Variants in TMCO6 observed in about 807,000 individuals in gnomAD.
TMCO6 encodes transmembrane and coiled-coil domains 6.
TMCO6 carries 47 observed loss-of-function variants against 61.8 expected under a neutral mutation model. That is an observed-to-expected ratio of 0.76 (90% CI 0.60 to 0.97). TMCO6 has a LOEUF of 0.97. Ranked by LOEUF, TMCO6 falls within the 50% of genes least tolerant of loss-of-function variation. The pLI is 0.00. For missense variants in TMCO6, 557 were observed against 601.6 expected, an observed-to-expected ratio of 0.93 and a Z score of 0.78; for synonymous variants, 261 against 254.2, an observed-to-expected ratio of 1.03 and a Z score of -0.25.
the TMCO6 span, among the ~76,000 whole-genome samples, chr5:140,601,256 C>G: frequency 3.1e-4 from 47 of 152,258 alleles, no homozygotes; most frequent in Non-Finnish European, 5.7e-4. Context: ...GACAGTTTTT[C>G]TCACTGATGT....
chr5:140,629,966 T>A, the TMCO6 span, among the ~76,000 whole-genome samples: 24 of 149,896 alleles, frequency 1.6e-4, no homozygotes, highest in South Asian at 4.4e-3. Context: ...TCAACCTGTA[T>A]AACATATCAA....
chr5:140,647,642 C>T (rs781422758), downstream of TMCO6: 1 of 1,573,192 alleles, frequency 6.4e-7, no homozygotes, highest in Non-Finnish European at 8.6e-7. Flanking sequence ...CCGGTCTGAC[C>T]AACCGCGGAC....
the TMCO6 span, among the ~76,000 whole-genome samples, chr5:140,602,795 A>C: frequency 4.2e-3 from 637 of 150,530 alleles, 3 homozygotes; most frequent in Non-Finnish European, 5.3e-3. Flanking sequence ...CACACACACA[A>C]AAAAAAAGGA....
At chr5:140,645,754 C>T, downstream of TMCO6, 1 of 1,604,626 alleles carries the variant, frequency 6.2e-7, no homozygotes. Flanking sequence ...AGATCTTTGT[C>T]TTTATCTTAG....
the TMCO6 span, chr5:140,632,958 A>G: frequency 1.2e-6 from 2 of 1,614,162 alleles, no homozygotes; most frequent in East Asian, 4.5e-5. This position sits in a 1 kb window ranked among gnomAD's most constrained non-coding sequence, Gnocchi z 6.2. Context: ...CAGCAGCAGC[A>G]GCAACAAGCA....
chr5:140,623,205 CTTA>C, the TMCO6 span, among the ~76,000 whole-genome samples: 1 of 152,206 alleles, frequency 6.6e-6, no homozygotes, highest in Non-Finnish European at 1.5e-5. Context: ...GCTAGTGAGC[CTTA>C]TCTCTCCTCC....
At chr5:140,604,509 C>T in the TMCO6 span, among the ~76,000 whole-genome samples, 3 of 151,416 alleles carry the variant, frequency 2.0e-5, no homozygotes, top group African/African-American at 7.3e-5. Flanking sequence ...ATAATTTTCT[C>T]CTATTCAAAG....
chr5:140,646,396 G>T (rs1307662972), downstream of TMCO6, among the ~76,000 whole-genome samples: 1 of 152,112 alleles, frequency 6.6e-6, no homozygotes, highest in Non-Finnish European at 1.5e-5. Context: ...ATCTCCTCCT[G>T]TAGTCTACTG....
the TMCO6 span, among the ~76,000 whole-genome samples, chr5:140,617,864 A>G: frequency 3.3e-5 from 5 of 152,308 alleles, no homozygotes; most frequent in African/African-American, 1.2e-4. Context: ...TGTGTTCAAT[A>G]TTGGCGATAT....
At chr5:140,605,906 G>C in the TMCO6 span, among the ~76,000 whole-genome samples, 1 of 152,084 alleles carries the variant, frequency 6.6e-6, no homozygotes, top group Non-Finnish European at 1.5e-5. Flanking sequence ...TTATAAATAT[G>C]TTGTTGAGGC....
At chr5:140,612,532 G>T in the TMCO6 span, among the ~76,000 whole-genome samples, 4 of 151,968 alleles carry the variant, frequency 2.6e-5, no homozygotes, top group Middle Eastern at 3.2e-3. Flanking sequence ...GTAGAGACGG[G>T]GTTTCACCGT....
At chr5:140,606,263 C>G in the TMCO6 span, among the ~76,000 whole-genome samples, 2 of 151,368 alleles carry the variant, frequency 1.3e-5, no homozygotes, top group African/African-American at 4.9e-5. Context: ...CTCCTCCTGC[C>G]TTAGCCTCCC....
the TMCO6 span, among the ~76,000 whole-genome samples, chr5:140,602,934 C>A: frequency 6.6e-6 from 1 of 152,088 alleles, no homozygotes; most frequent in African/African-American, 2.4e-5. Context: ...CATGGTGAAA[C>A]CCCGTCTCTA....
the TMCO6 span, chr5:140,632,164 A>C: frequency 6.2e-7 from 1 of 1,614,078 alleles, no homozygotes; most frequent in Non-Finnish European, 8.5e-7. The surrounding 1 kb of genome is among the most constrained non-coding windows in gnomAD (Gnocchi z 6.2). Context: ...GCGCTGGACC[A>C]CATGCATCTC....
chr5:140,608,498 TA>T, the TMCO6 span, among the ~76,000 whole-genome samples: 1 of 152,354 alleles, frequency 6.6e-6, no homozygotes, highest in African/African-American at 2.4e-5. Flanking sequence ...CAAAAGCTTT[TA>T]ATTTTGAATT....
downstream of TMCO6, chr5:140,645,803 A>C: frequency 6.8e-7 from 1 of 1,477,114 alleles, no homozygotes; most frequent in East Asian, 2.4e-5. Flanking sequence ...AGATATGATC[A>C]AAATACATTT....
Position 140,645,159 on chromosome 5 carries a change from G to A in TMCO6, c.*61G>A. 6.5e-7 allele frequency: 1 copy of A among 1,532,656 alleles called. No individual in the cohort carries two copies. The highest frequency in any genetic ancestry group is 9.0e-7 in the Non-Finnish European group (1 of 1,109,470). 94.9% of individuals were successfully genotyped at this position (1,532,656 alleles called of 1,614,324 possible). On this transcript the variant is annotated 3_prime_UTR_variant, in exon 12 of 12. Transcript: ENST00000394671. ...TAACATCAAGCTTGTTTGTCCAGTA[G>A]AGCCTTTGGAGATTTAGGACCATAA...
the TMCO6 span, among the ~76,000 whole-genome samples, chr5:140,616,996 T>G: frequency 6.6e-6 from 1 of 150,836 alleles, no homozygotes; most frequent in Non-Finnish European, 1.5e-5. Flanking sequence ...TGAGCCGAGA[T>G]CATGCCACTG....
chr5:140,619,860 T>C, the TMCO6 span, among the ~76,000 whole-genome samples: 1 of 152,250 alleles, frequency 6.6e-6, no homozygotes, highest in Non-Finnish European at 1.5e-5. Flanking sequence ...ACACACCTTT[T>C]AGAATGCCCA....
Sources: allele counts gnomAD v4.1 joint callset (sites outside exome capture counted in the v4.1 genomes callset), GRCh38; gene constraint gnomAD v4.1.1; non-coding constraint Gnocchi (gnomAD v3.1); transcripts MANE v1.5; gene names NCBI Gene and HGNC (gene_info 2026-07-23, HGNC 2026-07-21).